Variants in EPHB1 observed in about 807,000 individuals in gnomAD.
The protein encoded by EPHB1 is ephrin type-B receptor 1.
Under a neutral mutation model 94.4 loss-of-function variants are expected in EPHB1, and 30 were observed. The observed-to-expected ratio is 0.32, with a 90% CI of 0.24 to 0.43. EPHB1 has a LOEUF of 0.43. Ranked by LOEUF, EPHB1 falls within the 20% of genes least tolerant of loss-of-function variation. The pLI is 1.00. For synonymous variants in EPHB1, 522 were observed against 489.1 expected (o/e 1.07, Z -0.89); for missense variants, 1,055 against 1,308.3 (o/e 0.81, Z 2.99).
intron 2 of EPHB1, among the ~76,000 whole-genome samples, chr3:134,949,472 C>G (rs1157882546): frequency 6.6e-6 from 1 of 152,150 alleles, no homozygotes; most frequent in Non-Finnish European, 1.5e-5. Flanking sequence ...AGAGGACAGC[C>G]TTGCTTCTAT....
At chr3:134,874,870 A>C (rs2037585003) in intron 1 of EPHB1, among the ~76,000 whole-genome samples, 1 of 152,194 alleles carries the variant, frequency 6.6e-6, no homozygotes, top group Non-Finnish European at 1.5e-5. Context: ...CTTTCTCTGC[A>C]GTCATTGCTA....
At chr3:135,055,677 G>A (rs1018958216) in intron 3 of EPHB1, among the ~76,000 whole-genome samples, 3 of 152,156 alleles carry the variant, frequency 2.0e-5, no homozygotes, top group East Asian at 1.9e-4. Context: ...TGTCCTGAGC[G>A]AACCTGTCTT....
intron 1 of EPHB1, among the ~76,000 whole-genome samples, chr3:134,860,252 A>T (rs894332030): frequency 6.6e-5 from 10 of 151,576 alleles, no homozygotes; most frequent in Non-Finnish European, 8.8e-5. Flanking sequence ...CTGTTCTGGG[A>T]GCATCTCCGC....
rs549500994 is a variant in EPHB1 at position 134,914,491 on chromosome 3, T to C, written c.59-11325T>C. On this transcript the variant is annotated intron_variant, in intron 1 of 15. Transcript: ENST00000398015. The stretch of plus-strand genomic sequence containing the variant: ...AAGCTGAAACTCACACCCAAGGCTA[T>C]CAGATCCAAGTCCAGTGTGTTCAGG... Among the ~76,000 whole-genome samples, 20 of 152,248 alleles carry C rather than the reference T, an allele frequency of 1.3e-4. No individual in the cohort carries two copies. The East Asian group carries it at 3.9e-3, about 29-fold the overall frequency.
Position 135,018,292 on chromosome 3 carries a change from A to G in EPHB1, c.805+66240A>G, listed in dbSNP as rs536779689. On this transcript the variant is annotated intron_variant, in intron 3 of 15. Transcript: ENST00000398015. The stretch of plus-strand genomic sequence containing the variant: ...AAGTGGCTAAGAAGGCCTTTTGGCT[A>G]CTATGATGGGGGTGCTGAGCAAGAG... Among the ~76,000 whole-genome samples, 23 of 152,234 alleles carry G rather than the reference A, an allele frequency of 1.5e-4. 2 individuals carry two copies. In the South Asian group the frequency reaches 4.8e-3, roughly 32 times the overall value.
intron 12 of EPHB1, among the ~76,000 whole-genome samples, chr3:135,232,369 G>T (rs904651094): frequency 6.6e-6 from 1 of 152,228 alleles, no homozygotes; most frequent in Non-Finnish European, 1.5e-5. Context: ...GATGCCCCCT[G>T]AGGGCAGGCC....
At chr3:134,870,103 G>A (rs1161964867) in intron 1 of EPHB1, among the ~76,000 whole-genome samples, 2 of 152,180 alleles carry the variant, frequency 1.3e-5, no homozygotes, top group African/African-American at 4.8e-5. Flanking sequence ...TCTTTTGGAT[G>A]GCTGGCATAG....
At chr3:135,168,718 C>T (rs1400068580) in intron 9 of EPHB1, among the ~76,000 whole-genome samples, 1 of 152,202 alleles carries the variant, frequency 6.6e-6, no homozygotes, top group African/African-American at 2.4e-5. Context: ...TTGCTCAGGG[C>T]TGGCTCTTTT....
At chr3:135,170,400 G>A (rs1941772195) in intron 9 of EPHB1, among the ~76,000 whole-genome samples, 1 of 149,900 alleles carries the variant, frequency 6.7e-6, no homozygotes, top group African/African-American at 2.4e-5. Context: ...AGAGAATTTG[G>A]ATTTGGGTGG....
At chr3:134,798,516 C>T (rs1433260365) in intron 1 of EPHB1, among the ~76,000 whole-genome samples, 1 of 152,190 alleles carries the variant, frequency 6.6e-6, no homozygotes, top group Non-Finnish European at 1.5e-5. Flanking sequence ...CAGTTCTGCT[C>T]TGTGAGGAGA....
At chr3:135,013,452 T>G (rs1008153384) in intron 3 of EPHB1, among the ~76,000 whole-genome samples, 3 of 152,200 alleles carry the variant, frequency 2.0e-5, no homozygotes, top group Admixed American at 2.0e-4. Flanking sequence ...CACCACCGCA[T>G]ACCGAGGAAT....
At chr3:135,201,869 C>T (rs1213153702) in intron 12 of EPHB1, among the ~76,000 whole-genome samples, 180 bp downstream of exon 12, 1 of 152,128 alleles carries the variant, frequency 6.6e-6, no homozygotes, top group African/African-American at 2.4e-5. Context: ...GCTGGTTGTT[C>T]AAGCAAGAAA....
intron 10 of EPHB1, among the ~76,000 whole-genome samples, chr3:135,185,280 T>C (rs950685007): frequency 2.6e-5 from 4 of 152,154 alleles, no homozygotes; most frequent in Non-Finnish European, 5.9e-5. Flanking sequence ...TCCTTGGGGA[T>C]GATTTGGCAG....
At chr3:134,826,743 C>G (rs1045827643) in intron 1 of EPHB1, among the ~76,000 whole-genome samples, 3 of 152,248 alleles carry the variant, frequency 2.0e-5, no homozygotes, top group African/African-American at 7.2e-5. Flanking sequence ...TTGTAGAGCT[C>G]ATAGTTAATT....
At chr3:135,120,820 C>T (rs186526254) in intron 4 of EPHB1, among the ~76,000 whole-genome samples, 14 of 152,184 alleles carry the variant, frequency 9.2e-5, no homozygotes, top group East Asian at 3.9e-4. Context: ...GTCTGATCTG[C>T]GGTCTCTAGA....
chr3:135,043,992 A>C (rs1936925997), intron 3 of EPHB1, among the ~76,000 whole-genome samples: 1 of 152,220 alleles, frequency 6.6e-6, no homozygotes, highest in African/African-American at 2.4e-5. Context: ...ATGAGAGAAC[A>C]AATAGGACAG....
At chr3:135,002,701 G>C (rs849856) in intron 3 of EPHB1, among the ~76,000 whole-genome samples, 157 of 147,334 alleles carry the variant, frequency 1.1e-3, no homozygotes, top group African/African-American at 1.7e-3. Context: ...GTGTATGTGT[G>C]AAGGAATTTA....
chr3:135,234,631 TTTAA>T (rs1208618811), intron 12 of EPHB1, among the ~76,000 whole-genome samples: 2 of 151,912 alleles, frequency 1.3e-5, no homozygotes, highest in African/African-American at 4.8e-5. Flanking sequence ...AGGAAAGAGG[TTTAA>T]TTGACTCACA....
chr3:134,966,250 G>A (rs1033833680), intron 3 of EPHB1, among the ~76,000 whole-genome samples: 1 of 152,216 alleles, frequency 6.6e-6, no homozygotes, highest in African/African-American at 2.4e-5. Context: ...ACACAACAGA[G>A]AGGCCAGCCC....
Sources: gnomAD v4.1 joint callset for allele counts (sites outside exome capture counted in the v4.1 genomes callset) on GRCh38, gnomAD v4.1.1 for gene constraint, MANE v1.5 for transcripts, NCBI Gene and HGNC (gene_info 2026-07-23, HGNC 2026-07-21) for gene names.